The following SGCD variants were observed in gnomAD, a reference collection of about 807,000 sequenced individuals.
SGCD encodes delta-sarcoglycan.
SGCD carries 18 observed loss-of-function variants against 36.6 expected under a neutral mutation model. The ratio of observed to expected loss-of-function variants is 0.49; its 90% CI spans 0.34 to 0.73. The LOEUF is 0.73. Among genes scored for constraint, SGCD ranks in the 30% least tolerant of loss-of-function variants. The pLI, the probability that SGCD is intolerant of heterozygous loss-of-function variation, is 0.01. For missense variants in SGCD, 387 were observed against 346.7 expected, an observed-to-expected ratio of 1.12 and a Z score of -0.92; for synonymous variants, 133 against 130.6, an observed-to-expected ratio of 1.02 and a Z score of -0.12.
chr5:156,277,467 T>C (rs1309477736), intron 3 of SGCD, among the ~76,000 whole-genome samples: 1 of 152,200 alleles, frequency 6.6e-6, no homozygotes, highest in Non-Finnish European at 1.5e-5. Context: ...GGTTGTGGGC[T>C]CACAGAGCTG....
intron 1 of SGCD, among the ~76,000 whole-genome samples, chr5:155,888,800 T>C (rs1756062528): frequency 6.6e-6 from 1 of 152,186 alleles, no homozygotes; most frequent in Admixed American, 6.5e-5. Context: ...TTTTTCTTTT[T>C]TCCCGAATTT....
intron 3 of SGCD, among the ~76,000 whole-genome samples, chr5:156,428,646 C>A (rs903442430): frequency 6.6e-6 from 1 of 152,020 alleles, no homozygotes; most frequent in African/African-American, 2.4e-5. Context: ...TGTTTGTGAT[C>A]TTTCAGACTT....
chr5:156,001,015 C>T (rs576454824), intron 1 of SGCD, among the ~76,000 whole-genome samples: 12 of 152,132 alleles, frequency 7.9e-5, no homozygotes, highest in Non-Finnish European at 1.6e-4. Flanking sequence ...TTGTCTTTCA[C>T]TGGGACCATC....
intron 3 of SGCD, among the ~76,000 whole-genome samples, chr5:156,449,931 G>C (rs957207888): frequency 6.6e-6 from 1 of 151,620 alleles, no homozygotes; most frequent in African/African-American, 2.4e-5. Flanking sequence ...CTCTGTGTGT[G>C]CATATTTGGG....
At chr5:156,678,457 G>A (rs1753597790) in intron 7 of SGCD, among the ~76,000 whole-genome samples, 1 of 152,134 alleles carries the variant, frequency 6.6e-6, no homozygotes, top group East Asian at 1.9e-4. Context: ...AAAAAATCAT[G>A]GAAGGTTTTA....
intron 1 of SGCD, among the ~76,000 whole-genome samples, chr5:156,050,844 C>T (rs527963600): frequency 2.0e-5 from 3 of 146,680 alleles, no homozygotes; most frequent in South Asian, 4.3e-4. Flanking sequence ...CTTATAACCT[C>T]TTTCTCACCA....
intron 1 of SGCD, among the ~76,000 whole-genome samples, chr5:156,028,253 A>G (rs1759267636): frequency 6.6e-6 from 1 of 152,198 alleles, no homozygotes; most frequent in Non-Finnish European, 1.5e-5. Flanking sequence ...TTCAGCCCAG[A>G]AATAGCCCTT....
At chr5:156,423,349 A>AATAT (rs1561685774) in intron 3 of SGCD, among the ~76,000 whole-genome samples, 2 of 15,074 alleles carry the variant, frequency 1.3e-4, no homozygotes, top group South Asian at 2.0e-3. Context: ...AATATATTAT[A>AATAT]ATTTTATTAT....
intron 6 of SGCD, among the ~76,000 whole-genome samples, chr5:156,602,907 T>G (rs1425141902): frequency 6.6e-6 from 1 of 152,152 alleles, no homozygotes; most frequent in African/African-American, 2.4e-5. Flanking sequence ...GTTTCTTTTT[T>G]TGTTGTATTC....
intron 3 of SGCD, among the ~76,000 whole-genome samples, chr5:156,305,900 T>C (rs1341968278): frequency 1.3e-5 from 2 of 152,222 alleles, no homozygotes. Context: ...ATTTTAGACT[T>C]GAATGGGGCC....
At chr5:155,859,971 C>T in the SGCD span, among the ~76,000 whole-genome samples, 614 of 152,286 alleles carry the variant, frequency 4.0e-3, 6 homozygotes, top group African/African-American at 0.013. Flanking sequence ...GACATTTCCC[C>T]GAAAATTTGC....
chr5:156,330,592 C>G (rs1768023016), intron 2 of SGCD, among the ~76,000 whole-genome samples: 1 of 152,292 alleles, frequency 6.6e-6, no homozygotes, highest in East Asian at 1.9e-4. Context: ...TCTTTTCCTG[C>G]ACTCTTTCTT....
intron 3 of SGCD, among the ~76,000 whole-genome samples, chr5:156,140,143 A>T (rs1762544578): frequency 6.6e-6 from 1 of 152,220 alleles, no homozygotes; most frequent in African/African-American, 2.4e-5. Flanking sequence ...CTGTTTTGTT[A>T]CAGCAGTACA....
rs774068543 is a variant in SGCD, at chr5:156,441,115, G to T, written c.193-67486G>T. ...GTGATTTTAAGCCCCCTGGTAGGTG[G>T]CGTCAGGAGCAGTGTTGGTGGGAGT... On this transcript the variant is annotated intron_variant, in intron 3 of 8. Transcript: ENST00000337851. Among the ~76,000 whole-genome samples, 33 of 152,094 alleles carry T rather than the reference G, an allele frequency of 2.2e-4. 1 individual carries two copies. The highest frequency in any genetic ancestry group is 2.0e-3 in the Admixed American group (30 of 15,268).
intron 3 of SGCD, among the ~76,000 whole-genome samples, chr5:156,127,281 A>T (rs571438120): frequency 2.0e-5 from 3 of 152,172 alleles, no homozygotes; most frequent in Non-Finnish European, 4.4e-5. Context: ...TAAACTTAAA[A>T]TAGCTGTCAT....
At chr5:156,752,952 T>A (rs1229504957) in intron 7 of SGCD, among the ~76,000 whole-genome samples, 1 of 152,102 alleles carries the variant, frequency 6.6e-6, no homozygotes, top group Non-Finnish European at 1.5e-5. Context: ...AGCTTTCTCA[T>A]GGGTTACTCA....
intron 1 of SGCD, among the ~76,000 whole-genome samples, chr5:156,001,356 G>A (rs917977158): frequency 1.8e-4 from 27 of 152,122 alleles, no homozygotes; most frequent in Non-Finnish European, 3.8e-4. Flanking sequence ...TTTGTTTTAT[G>A]GGGAACTGGC....
chr5:155,963,057 G>T (rs1180073292), intron 1 of SGCD, among the ~76,000 whole-genome samples: 1 of 152,090 alleles, frequency 6.6e-6, no homozygotes, highest in Non-Finnish European at 1.5e-5. Context: ...GAACTAAGTT[G>T]AACTCTTTCC....
chr5:156,727,067 G>T (rs1755814241), intron 7 of SGCD, among the ~76,000 whole-genome samples: 1 of 152,202 alleles, frequency 6.6e-6, no homozygotes, highest in Admixed American at 6.5e-5. Flanking sequence ...CATTGCAATA[G>T]GTTCAGGGAC....
Sources: gnomAD v4.1 joint callset for allele counts (sites outside exome capture counted in the v4.1 genomes callset) on GRCh38, gnomAD v4.1.1 for gene constraint, MANE v1.5 for transcripts, NCBI Gene and HGNC (gene_info 2026-07-23, HGNC 2026-07-21) for gene names.